Variants in SMIM35 observed in about 807,000 individuals in gnomAD.
SMIM35 encodes the protein small integral membrane protein 35.
intron 1 of SMIM35, among the ~76,000 whole-genome samples, chr11:118,063,148 C>T (rs957430155): frequency 2.0e-5 from 3 of 152,248 alleles, no homozygotes; most frequent in Non-Finnish European, 4.4e-5. Context: ...AATAGGCAAC[C>T]AGCAGCCCTC....
intron 1 of SMIM35, among the ~76,000 whole-genome samples, chr11:118,041,693 T>C (rs528620169): frequency 2.0e-5 from 3 of 152,246 alleles, no homozygotes; most frequent in African/African-American, 7.2e-5. Flanking sequence ...ATGCCTACTT[T>C]AGGAATGAAG....
chr11:118,028,714 G>A (rs1477785085), intron 1 of SMIM35: 1 of 354,690 alleles, frequency 2.8e-6, no homozygotes, highest in Non-Finnish European at 5.6e-6. Flanking sequence ...TAAAAACAAA[G>A]TAAGGTCAAG....
At chr11:118,036,192 G>C (rs533626864) in intron 1 of SMIM35, among the ~76,000 whole-genome samples, 1 of 152,212 alleles carries the variant, frequency 6.6e-6, no homozygotes, top group East Asian at 1.9e-4. Flanking sequence ...TGGCCAATAC[G>C]TGGTGATTTT....
chr11:118,085,318 G>A (rs886862553), intron 1 of SMIM35, among the ~76,000 whole-genome samples: 6 of 151,078 alleles, frequency 4.0e-5, no homozygotes, highest in Non-Finnish European at 7.4e-5. Context: ...CCGCCTCCCA[G>A]GTTCAAGCGA....
intron 1 of SMIM35, among the ~76,000 whole-genome samples, chr11:118,017,575 T>G (rs1036462181): frequency 6.6e-6 from 1 of 152,072 alleles, no homozygotes; most frequent in African/African-American, 2.4e-5. Context: ...GAAAGCATTG[T>G]GAAGGGAGAG....
At chr11:118,008,407 CAG>C (rs2058133364) in intron 4 of SMIM35, among the ~76,000 whole-genome samples, 1 of 152,222 alleles carries the variant, frequency 6.6e-6, no homozygotes. Flanking sequence ...AGTGGAGCAC[CAG>C]AGACTCTGGC....
chr11:118,018,451 G>A (rs2058200949), intron 1 of SMIM35, among the ~76,000 whole-genome samples: 1 of 152,136 alleles, frequency 6.6e-6, no homozygotes, highest in South Asian at 2.1e-4. Flanking sequence ...GAACTAAGAG[G>A]CCAAGGTCAA....
At chr11:118,058,381 G>C (rs532436112) in intron 1 of SMIM35, among the ~76,000 whole-genome samples, 1 of 152,160 alleles carries the variant, frequency 6.6e-6, no homozygotes, top group Non-Finnish European at 1.5e-5. Flanking sequence ...CAGGAGTGTG[G>C]GGAAGGGGCT....
At chr11:118,073,540 T>C (rs1412286844) in intron 1 of SMIM35, among the ~76,000 whole-genome samples, 1 of 152,138 alleles carries the variant, frequency 6.6e-6, no homozygotes, top group African/African-American at 2.4e-5. Flanking sequence ...CCGGCTGTTG[T>C]GAATGCCGAA....
chr11:118,082,404 T>C (rs1452748042), intron 1 of SMIM35, among the ~76,000 whole-genome samples: 1 of 151,958 alleles, frequency 6.6e-6, no homozygotes, highest in African/African-American at 2.4e-5. Context: ...CTACTAAAGA[T>C]ATAAACATTA....
intron 1 of SMIM35, chr11:118,029,540 A>G: frequency 2.4e-6 from 1 of 420,816 alleles, no homozygotes; most frequent in South Asian, 1.7e-5. Flanking sequence ...AGGAGGCAAT[A>G]GAGAGAGGCT....
chr11:118,039,746 A>G (rs1189149480), intron 1 of SMIM35, among the ~76,000 whole-genome samples: 2 of 151,364 alleles, frequency 1.3e-5, no homozygotes, highest in Non-Finnish European at 2.9e-5. Flanking sequence ...AAACTTATCA[A>G]ATTTATTGAG....
At chr11:118,067,450 C>G (rs1482674368) in intron 1 of SMIM35, 1 of 152,090 alleles carries the variant, frequency 6.6e-6, no homozygotes, top group Non-Finnish European at 1.5e-5. Context: ...AATGGAGCAC[C>G]TCAAAACTCC....
chr11:118,047,671 G>A (rs548599049), intron 1 of SMIM35, among the ~76,000 whole-genome samples: 2 of 152,332 alleles, frequency 1.3e-5, no homozygotes, highest in South Asian at 2.1e-4. Flanking sequence ...TTTAGTGGAC[G>A]GAGAAGCCCC....
chr11:118,040,650 C>T (rs1344373029), intron 1 of SMIM35, among the ~76,000 whole-genome samples: 2 of 149,328 alleles, frequency 1.3e-5, no homozygotes, highest in East Asian at 4.0e-4. Context: ...TACGTACACA[C>T]ACAAAAAAAA....
intron 1 of SMIM35, among the ~76,000 whole-genome samples, chr11:118,082,390 A>G (rs1172415787): frequency 6.6e-6 from 1 of 152,056 alleles, no homozygotes; most frequent in Non-Finnish European, 1.5e-5. Flanking sequence ...GTGAAACCCC[A>G]TCTCTACTAA....
intron 1 of SMIM35, chr11:118,077,153 C>A: frequency 1.2e-6 from 1 of 858,738 alleles, no homozygotes; most frequent in Non-Finnish European, 1.8e-6. Context: ...CCAAGGCCTG[C>A]CCTGCACTCG....
intron 1 of SMIM35, among the ~76,000 whole-genome samples, chr11:118,018,607 G>T (rs1320600273): frequency 6.6e-6 from 1 of 152,122 alleles, no homozygotes; most frequent in Non-Finnish European, 1.5e-5. Context: ...TGGAAGCTGG[G>T]GTTTGAAGGG....
At chr11:118,019,154 A>G (rs935175148) in intron 1 of SMIM35, among the ~76,000 whole-genome samples, 5 of 152,202 alleles carry the variant, frequency 3.3e-5, no homozygotes, top group African/African-American at 1.2e-4. Flanking sequence ...ATTGTTTTAC[A>G]TGTTTTCAAA....
Sources: gnomAD v4.1 joint callset for allele counts (sites outside exome capture counted in the v4.1 genomes callset) on GRCh38, gnomAD v4.1.1 for gene constraint, MANE v1.5 for transcripts, NCBI Gene and HGNC (gene_info 2026-07-23, HGNC 2026-07-21) for gene names.